The following DHRSX variants were observed in gnomAD, a reference collection of about 807,000 sequenced individuals.
DHRSX encodes the protein polyprenol dehydrogenase.
A neutral mutation model predicts 34.0 loss-of-function variants in DHRSX; 31 were observed. The ratio of observed to expected loss-of-function variants is 0.91; its 90% CI spans 0.69 to 1.23. The LOEUF (loss-of-function observed/expected upper bound fraction) is 1.23, where lower values mean the gene tolerates loss of function less well. Ranked by LOEUF, DHRSX falls within the 50% of genes most tolerant of loss-of-function variation. DHRSX has a pLI of 0.00. For synonymous variants in DHRSX, 201 were observed against 183.8 expected (o/e 1.09, Z -0.76); for missense variants, 414 against 428.1 (o/e 0.97, Z 0.29).
chrX:2,498,042 C>T (rs1262957197), intron 1 of DHRSX, among the ~76,000 whole-genome samples: 1 of 152,206 alleles, frequency 6.6e-6, no homozygotes, highest in Non-Finnish European at 1.5e-5. Context: ...TCTGTAAAGG[C>T]ATGACCAACA....
chrX:2,271,349 A>C (rs1251403774), intron 4 of DHRSX, among the ~76,000 whole-genome samples: 1 of 152,206 alleles, frequency 6.6e-6, no homozygotes, highest in Non-Finnish European at 1.5e-5. Flanking sequence ...AATTCTGGAC[A>C]CACTCTCACA....
At chrX:2,258,224 G>GA (rs1211307874) in intron 5 of DHRSX, among the ~76,000 whole-genome samples, 1 of 149,462 alleles carries the variant, frequency 6.7e-6, no homozygotes, top group Non-Finnish European at 1.5e-5. Context: ...AGCAGCCTGA[G>GA]ATGGAGTAAG....
Position 2,306,565 on chromosome X carries a change from G to A in DHRSX, c.287-14962C>T, listed in dbSNP as rs150738376. 8.4e-3 allele frequency among the ~76,000 whole-genome samples: 1,280 copies of A among 151,632 alleles called. 11 individuals carry two copies. Among genetic ancestry groups the A allele is most frequent in the Non-Finnish European group, 0.014 (924 of 67,916 alleles). ...CAACCTCCACCCGCCAGGTTCAAGC[G>A]ATTCAGCCTCCCAAGTAGCTGGGAT... On this transcript the variant is annotated intron_variant, in intron 3 of 6. Transcript: ENST00000334651.
At chrX:2,457,381 T>C (rs1272502847) in intron 1 of DHRSX, among the ~76,000 whole-genome samples, 1 of 151,740 alleles carries the variant, frequency 6.6e-6, no homozygotes, top group Non-Finnish European at 1.5e-5. Flanking sequence ...AGACGTTCCC[T>C]AAGTATGTGG....
intron 1 of DHRSX, among the ~76,000 whole-genome samples, chrX:2,471,533 C>T (rs1482220467): frequency 1.3e-5 from 2 of 150,092 alleles, no homozygotes; most frequent in Admixed American, 6.7e-5. Flanking sequence ...CATTGCACTG[C>T]AGCCTGGGCA....
chrX:2,484,262 C>T (rs986010902), intron 1 of DHRSX, among the ~76,000 whole-genome samples: 4 of 152,180 alleles, frequency 2.6e-5, no homozygotes, highest in Admixed American at 1.3e-4. Flanking sequence ...TGTGAGCCAC[C>T]ACACCCAGCA....
intron 3 of DHRSX, among the ~76,000 whole-genome samples, chrX:2,400,987 G>C (rs1273880627): frequency 6.6e-6 from 1 of 152,066 alleles, no homozygotes; most frequent in Non-Finnish European, 1.5e-5. Context: ...GCATTGACCA[G>C]TGATTTCTTT....
chrX:2,227,506 G>T (rs2015700545), intron 6 of DHRSX, among the ~76,000 whole-genome samples: 1 of 125,820 alleles, frequency 7.9e-6, no homozygotes. Flanking sequence ...AGGGAAGGAA[G>T]GAGAGAGAAA....
chrX:2,348,171 G>T (rs2042744264), intron 3 of DHRSX, among the ~76,000 whole-genome samples: 1 of 152,190 alleles, frequency 6.6e-6, no homozygotes, highest in African/African-American at 2.4e-5. Flanking sequence ...AGAGAATAGA[G>T]AAGCAGCTCG....
intron 3 of DHRSX, among the ~76,000 whole-genome samples, chrX:2,296,096 C>A (rs935270178): frequency 2.0e-5 from 3 of 152,152 alleles, no homozygotes; most frequent in African/African-American, 7.2e-5. Context: ...GCAATCGCAA[C>A]GACAGTACCC....
At chrX:2,468,442 C>T (rs2044531279) in intron 1 of DHRSX, among the ~76,000 whole-genome samples, 1 of 140,398 alleles carries the variant, frequency 7.1e-6, no homozygotes, top group Non-Finnish European at 1.6e-5. Context: ...GTCAGAGACA[C>T]CCAATGAAGA....
chrX:2,261,118 G>C (rs1049922252), intron 5 of DHRSX, among the ~76,000 whole-genome samples: 2 of 152,092 alleles, frequency 1.3e-5, no homozygotes, highest in African/African-American at 4.8e-5. Context: ...GCTGAGGTGG[G>C]AGAATCATTG....
rs946396878 is a variant in DHRSX, at chrX:2,385,560, C to T, written c.286+23185G>A. On this transcript the variant is annotated intron_variant, in intron 3 of 6. Transcript: ENST00000334651. ...CTTGCCATCCATTCAATTTGTGATT[C>T]GGGTGTAGAGCATCTCCTGCATTCC... 1.8e-4 allele frequency among the ~76,000 whole-genome samples: 27 copies of T among 152,090 alleles called. 1 individual carries two copies. Among genetic ancestry groups the T allele is most frequent in the South Asian group, 2.1e-4 (1 of 4,828 alleles).
intron 4 of DHRSX, among the ~76,000 whole-genome samples, chrX:2,284,778 G>A (rs188443452): frequency 1.3e-5 from 2 of 152,220 alleles, no homozygotes; most frequent in African/African-American, 2.4e-5. Context: ...ATAAATCATC[G>A]CGTTGCCTCT....
At chrX:2,225,030 C>G (rs967512481) in intron 6 of DHRSX, among the ~76,000 whole-genome samples, 21 of 148,864 alleles carry the variant, frequency 1.4e-4, no homozygotes, top group African/African-American at 5.0e-4. Flanking sequence ...ATGCACACAG[C>G]TCACATTCAC....
At chrX:2,349,484 G>C (rs1455036089) in intron 3 of DHRSX, among the ~76,000 whole-genome samples, 1 of 151,638 alleles carries the variant, frequency 6.6e-6, no homozygotes, top group African/African-American at 2.4e-5. Flanking sequence ...TTAGGAGTTT[G>C]AGACCAGCCC....
intron 3 of DHRSX, among the ~76,000 whole-genome samples, chrX:2,360,854 G>A (rs752104289): frequency 2.6e-5 from 4 of 152,096 alleles, no homozygotes; most frequent in East Asian, 3.9e-4. Context: ...CTCTGCCAAC[G>A]TTAGATATGT....
Position 2,226,069 on chromosome X carries a change from G to A in DHRSX, c.805-4840C>T, listed in dbSNP as rs182547114. 2.3e-4 allele frequency among the ~76,000 whole-genome samples: 35 copies of A among 152,224 alleles called. No homozygotes were observed. In the South Asian group the frequency reaches 3.9e-3, roughly 17 times the overall value. On this transcript the variant is annotated intron_variant, in intron 6 of 6. Coordinates refer to ENST00000334651, the MANE Select transcript of DHRSX (RefSeq NM_145177.3). ...TTCATCTTGGACTTCCAGCCTCCAGGACGGTGGGAAAATCAGTGTCTGTTG... is the reference window on the plus strand; with the variant it reads ...TTCATCTTGGACTTCCAGCCTCCAGAACGGTGGGAAAATCAGTGTCTGTTG...
chrX:2,388,617 A>T (rs905816544), intron 3 of DHRSX, among the ~76,000 whole-genome samples: 8 of 150,794 alleles, frequency 5.3e-5, no homozygotes, highest in Middle Eastern at 3.5e-3. Context: ...AGCCTATGGT[A>T]TTCTGTGATA....
Sources: allele counts gnomAD v4.1 joint callset (sites outside exome capture counted in the v4.1 genomes callset), GRCh38; gene constraint gnomAD v4.1.1; transcripts MANE v1.5; gene names NCBI Gene and HGNC (gene_info 2026-07-23, HGNC 2026-07-21).